The following GPR141 variants were observed in gnomAD, a reference collection of about 807,000 sequenced individuals.
GPR141 encodes the protein G protein-coupled receptor 141.
Under a neutral mutation model 6.8 loss-of-function variants are expected in GPR141, and 6 were observed. The ratio of observed to expected loss-of-function variants is 0.88; its 90% CI spans 0.48 to 1.74. The LOEUF is 1.74. Ranked by LOEUF, GPR141 falls within the 40% of genes most tolerant of loss-of-function variation. The pLI, the probability that GPR141 is intolerant of heterozygous loss-of-function variation, is 0.01. For synonymous variants in GPR141, 140 were observed against 142.3 expected, an observed-to-expected ratio of 0.98 and a Z score of 0.11; for missense variants, 372 against 372.9, an observed-to-expected ratio of 1.00 and a Z score of 0.02.
chr7:37,737,811 A>C (rs1490158795), intron 2 of GPR141, among the ~76,000 whole-genome samples: 1 of 152,194 alleles, frequency 6.6e-6, no homozygotes, highest in African/African-American at 2.4e-5. Flanking sequence ...AGATGCAAAA[A>C]GTCTGTACAG....
At chr7:37,731,438 A>G (rs935516188) in intron 2 of GPR141, among the ~76,000 whole-genome samples, 2 of 152,142 alleles carry the variant, frequency 1.3e-5, no homozygotes, top group African/African-American at 2.4e-5. Flanking sequence ...AAAAATTCCC[A>G]TCAATCTCTA....
Position 37,740,564 on chromosome 7 carries a change from C to T in GPR141, c.171C>T (p.Asn57=). The T allele has an allele frequency of 6.2e-7, 1 of 1,614,116 alleles. No homozygotes were observed. Among genetic ancestry groups the T allele is most frequent in the Non-Finnish European group, 8.5e-7 (1 of 1,179,992 alleles). ...TRSVTTMAVI[N]LVVVHSVFLL... is the part of the protein sequence containing the mutation. ...CAGTGACCACCATGGCGGTCATTAA[C>T]TTGGTGGTGGTCCACAGCGTTTTTC... Residue 57 remains asparagine (N), a synonymous_variant, in exon 3 of 3, where the codon AAC becomes AAT. Transcript: ENST00000334425.
intron 1 of GPR141, among the ~76,000 whole-genome samples, chr7:37,684,189 T>C (rs1427994915): frequency 6.6e-6 from 1 of 152,212 alleles, no homozygotes; most frequent in Non-Finnish European, 1.5e-5. Context: ...TATCATAGAA[T>C]TTTTTAGAGC....
At chr7:37,721,180 T>A (rs774707307) in intron 2 of GPR141, among the ~76,000 whole-genome samples, 1 of 152,148 alleles carries the variant, frequency 6.6e-6, no homozygotes, top group Non-Finnish European at 1.5e-5. Context: ...GGTCTCCAAT[T>A]TCAGGGCTGT....
In GPR141 at chr7:37,740,601, CCATTTCGCT is replaced by C; in HGVS notation, c.209_217del (p.Pro70_Arg72del). ...CCACAGCGTTTTTCTGCTGACAGTG[CCATTTCGCT>C]TGACCTACCTCATCAAGAAGACTTG... On this transcript the variant is annotated inframe_deletion, in exon 3 of 3. Transcript: ENST00000334425. The C allele has an allele frequency of 6.2e-7, 1 of 1,614,020 alleles. No homozygotes were observed. Among genetic ancestry groups the C allele is most frequent in the Non-Finnish European group, 8.5e-7 (1 of 1,179,926 alleles).
intron 2 of GPR141, among the ~76,000 whole-genome samples, chr7:37,732,263 C>T (rs558009083): frequency 2.2e-5 from 3 of 137,802 alleles, no homozygotes; most frequent in East Asian, 2.6e-4. Flanking sequence ...AAAGTAATTG[C>T]GGTTTTTGTC....
At chr7:37,718,501 G>C (rs1811149664) in intron 2 of GPR141, among the ~76,000 whole-genome samples, 1 of 145,948 alleles carries the variant, frequency 6.9e-6, no homozygotes, top group African/African-American at 2.6e-5. Flanking sequence ...AACAAAGTGA[G>C]ACTCTGTCTC....
intron 2 of GPR141, among the ~76,000 whole-genome samples, chr7:37,708,925 A>C (rs1810664505): frequency 6.6e-6 from 1 of 152,208 alleles, no homozygotes; most frequent in Non-Finnish European, 1.5e-5. Context: ...TTTCATATGT[A>C]ATATCTCATT....
At chr7:37,733,726 G>A (rs927165225) in intron 2 of GPR141, among the ~76,000 whole-genome samples, 1 of 150,708 alleles carries the variant, frequency 6.6e-6, no homozygotes, top group African/African-American at 2.4e-5. Context: ...GCTAGGATTA[G>A]CATCACTGTT....
At chr7:37,711,878 G>T (rs545082807) in intron 2 of GPR141, among the ~76,000 whole-genome samples, 1 of 152,188 alleles carries the variant, frequency 6.6e-6, no homozygotes, top group Non-Finnish European at 1.5e-5. Flanking sequence ...TCGAGTAACG[G>T]CTTCCAGGTT....
chr7:37,693,423 A>C (rs541778588), intron 2 of GPR141, among the ~76,000 whole-genome samples: 2 of 152,230 alleles, frequency 1.3e-5, no homozygotes, highest in East Asian at 3.9e-4. Flanking sequence ...GTATAGTTTG[A>C]AGTCAGGTAG....
chr7:37,716,456 T>G (rs1268936272), intron 2 of GPR141, among the ~76,000 whole-genome samples: 1 of 152,118 alleles, frequency 6.6e-6, no homozygotes, highest in Non-Finnish European at 1.5e-5. Flanking sequence ...GATATGATGC[T>G]GAGAGAAACT....
Position 37,741,391 on chromosome 7 carries a change from A to G in GPR141, c.*80A>G. Reference sequence around the variant, plus strand: ...ATAGGGGAGGTAAGAATGGTATTTCATTACTTGATCAAAACCATGCCTTGA... The same window carrying G: ...ATAGGGGAGGTAAGAATGGTATTTCGTTACTTGATCAAAACCATGCCTTGA... On this transcript the variant is annotated 3_prime_UTR_variant, in exon 3 of 3. Coordinates refer to ENST00000334425, the MANE Select transcript of GPR141 (RefSeq NM_001381946.1). The G allele has an allele frequency of 9.3e-7, 1 of 1,070,630 alleles. No individual in the cohort carries two copies. Among genetic ancestry groups the G allele is most frequent in the Non-Finnish European group, 1.4e-6 (1 of 739,852 alleles). The allele number at this position is 1,070,630 out of a possible 1,614,324, so 66.3% of individuals were successfully genotyped here. A position where few individuals can be genotyped will look rare whatever the true frequency, so the allele number is the denominator to read the frequency against.
intron 2 of GPR141, among the ~76,000 whole-genome samples, chr7:37,739,650 G>A (rs1391579404): frequency 1.3e-5 from 2 of 152,182 alleles, no homozygotes; most frequent in African/African-American, 4.8e-5. Context: ...TAATTGTGGA[G>A]CGGATCTTTC....
At chr7:37,715,543 G>A (rs1268860228) in intron 2 of GPR141, among the ~76,000 whole-genome samples, 1 of 152,160 alleles carries the variant, frequency 6.6e-6, no homozygotes, top group African/African-American at 2.4e-5. Context: ...CTTACGCTGG[G>A]TGCTTTACTT....
intron 2 of GPR141, among the ~76,000 whole-genome samples, chr7:37,719,470 C>T (rs1263166795): frequency 2.6e-5 from 4 of 152,240 alleles, no homozygotes; most frequent in Non-Finnish European, 5.9e-5. Context: ...TCTAACCATT[C>T]TAACATGGAT....
At position 37,741,024 on chromosome 7, in the gene GPR141, C is replaced by A; in HGVS notation, c.631C>A (p.Leu211Ile). Residue 211 changes from leucine to isoleucine, a missense_variant, in exon 3 of 3, where the codon CTA (leucine) becomes ATA (isoleucine). Transcript: ENST00000334425. Reference protein sequence around the residue: ...VFIIMLMVQKLRHSLLSHQEF... With the variant: ...VFIIMLMVQKIRHSLLSHQEF... ...CATCATTATGTTGATGGTGCAGAAG[C>A]TACGCCACTCTTTACTATCCCACCA... The A allele has an allele frequency of 6.2e-7, 1 of 1,614,072 alleles. No homozygotes were observed. Among genetic ancestry groups the A allele is most frequent in the Non-Finnish European group, 8.5e-7 (1 of 1,179,966 alleles).
At position 37,741,390 on chromosome 7, in the gene GPR141, C is replaced by G; in HGVS notation, c.*79C>G. On this transcript the variant is annotated 3_prime_UTR_variant, in exon 3 of 3. Coordinates refer to ENST00000334425, the MANE Select transcript of GPR141 (RefSeq NM_001381946.1). ...TATAGGGGAGGTAAGAATGGTATTT[C>G]ATTACTTGATCAAAACCATGCCTTG... 1 of 1,073,112 alleles carries G rather than the reference C, an allele frequency of 9.3e-7. No individual in the cohort carries two copies. The highest frequency in any genetic ancestry group is 1.3e-6 in the Non-Finnish European group (1 of 741,914). 66.5% of individuals were successfully genotyped at this position (1,073,112 alleles called of 1,614,324 possible). A position where few individuals can be genotyped will look rare whatever the true frequency, so the allele number is the denominator to read the frequency against.
chr7:37,720,252 T>C (rs1294755104), intron 2 of GPR141, among the ~76,000 whole-genome samples: 1 of 152,156 alleles, frequency 6.6e-6, no homozygotes, highest in East Asian at 1.9e-4. Context: ...CAGGCACTCA[T>C]CCTGGGTTCA....
Sources: allele counts gnomAD v4.1 joint callset (sites outside exome capture counted in the v4.1 genomes callset), GRCh38; gene constraint gnomAD v4.1.1; transcripts MANE v1.5; gene names NCBI Gene and HGNC (gene_info 2026-07-23, HGNC 2026-07-21).